The following MR1 variants were observed in gnomAD, a reference collection of about 807,000 sequenced individuals.
MR1 encodes the protein major histocompatibility complex class I-related protein 1.
A neutral mutation model predicts 37.8 loss-of-function variants in MR1; 44 were observed. The observed-to-expected ratio is 1.16, with a 90% CI of 0.91 to 1.50. The LOEUF (loss-of-function observed/expected upper bound fraction) is 1.50. Ranked by LOEUF, MR1 falls within the 40% of genes most tolerant of loss-of-function variation. The probability of loss-of-function intolerance (pLI) is 0.00; values close to 1 mark genes in which losing one functional copy is unlikely to be tolerated. For synonymous variants in MR1, 153 were observed against 155.8 expected (o/e 0.98, Z 0.13); for missense variants, 386 against 419.1 (o/e 0.92, Z 0.69).
intron 4 of MR1, among the ~76,000 whole-genome samples, chr1:181,052,922 C>A (rs1024630823): frequency 1.1e-4 from 17 of 151,672 alleles, no homozygotes; most frequent in Non-Finnish European, 2.2e-4. Context: ...CAAAAATTAG[C>A]CAGGCATGGT....
At chr1:181,039,878 A>G (rs976078305) in intron 1 of MR1, among the ~76,000 whole-genome samples, 3 of 151,678 alleles carry the variant, frequency 2.0e-5, no homozygotes, top group Admixed American at 6.6e-5. Context: ...AAAAAAAAAA[A>G]AAAGAAAAAA....
At chr1:181,048,237 A>G (rs1354402155) in intron 1 of MR1, among the ~76,000 whole-genome samples, 2 of 140,416 alleles carry the variant, frequency 1.4e-5, no homozygotes, top group East Asian at 2.2e-4. Flanking sequence ...ATAAAATAAA[A>G]TAAATAAATA....
At chr1:181,041,640 A>AG (rs1657560518) in intron 1 of MR1, among the ~76,000 whole-genome samples, 1 of 152,056 alleles carries the variant, frequency 6.6e-6, no homozygotes, top group African/African-American at 2.4e-5. Context: ...TGTTCTTTCC[A>AG]GGGGCCTTTG....
rs1239021316 is a variant in MR1 at position 181,034,040 on chromosome 1, C to T, written c.33C>T (p.Leu11=). Residue 11 remains leucine, a synonymous_variant, in exon 1 of 6, where the codon CTC becomes CTT. Transcript: ENST00000367580. MGELMAFLLP[L]IIVLMVKHSD... Reference sequence around the variant, plus strand: ...AACTGATGGCGTTCCTGTTACCTCTCATCATTGTGTTAATGGTGAAGCACA... The same window carrying T: ...AACTGATGGCGTTCCTGTTACCTCTTATCATTGTGTTAATGGTGAAGCACA... The T allele has an allele frequency of 3.1e-6, 5 of 1,613,302 alleles. No homozygotes were observed. Among genetic ancestry groups the T allele is most frequent in the Non-Finnish European group, 4.2e-6 (5 of 1,179,754 alleles).
rs540775339 is a variant in MR1 at position 181,060,879 on chromosome 1, T to C, written c.*5614T>C. 6.6e-6 allele frequency: 1 copy of C among 152,326 alleles called. No homozygotes were observed. The highest frequency in any genetic ancestry group is 1.9e-4 in the East Asian group (1 of 5,176). The allele number at this position is 152,326 out of a possible 1,614,324, so 9.4% of individuals were successfully genotyped here. A position where few individuals can be genotyped will look rare whatever the true frequency, so the allele number is the denominator to read the frequency against. ...GCTGATGCCTTTCAGTACTTAAATATGAGTTCAGACCCTGGGGCCTGGACA... is the reference window on the plus strand; with the variant it reads ...GCTGATGCCTTTCAGTACTTAAATACGAGTTCAGACCCTGGGGCCTGGACA... On this transcript the variant is annotated 3_prime_UTR_variant, in exon 6 of 6. Coordinates refer to ENST00000367580, the MANE Select transcript of MR1 (RefSeq NM_001385161.1).
intron 5 of MR1, among the ~76,000 whole-genome samples, chr1:181,054,809 A>C (rs748180914): frequency 6.6e-6 from 1 of 152,122 alleles, no homozygotes; most frequent in Non-Finnish European, 1.5e-5. Flanking sequence ...TGCCGTGAGC[A>C]AAGATCGCTC....
Position 181,049,075 on chromosome 1 carries a change from C to A in MR1, c.91C>A (p.Arg31Ser). The stretch of plus-strand genomic sequence containing the variant: ...AGGGACGCACTCTCTGAGATATTTT[C>A]GCCTGGGCGTTTCGGATCCCATCCA... The part of the protein sequence containing the change: ...DSRTHSLRYF[R>S]LGVSDPIHGV... The change falls in exon 2 of 6, where the codon CGC (arginine) becomes AGC (serine). Residue 31 changes from arginine to serine, a missense_variant. By Grantham distance (110) the Arg-to-Ser change is moderately radical. Coordinates refer to ENST00000367580, the MANE Select transcript of MR1 (RefSeq NM_001385161.1). 1 of 1,613,998 alleles carries A rather than the reference C, an allele frequency of 6.2e-7. No individual in the cohort carries two copies. Among genetic ancestry groups the A allele is most frequent in the Non-Finnish European group, 8.5e-7 (1 of 1,179,870 alleles).
chr1:181,034,235 T>C (rs1377776459), intron 1 of MR1, among the ~76,000 whole-genome samples, 161 bp downstream of exon 1: 3 of 152,180 alleles, frequency 2.0e-5, no homozygotes, highest in African/African-American at 7.2e-5. Context: ...GCCTGAACAG[T>C]TTCCCAGTTC....
At chr1:181,055,198 T>A in intron 5 of MR1, 27 bp from the exon 6 acceptor site, 1 of 1,610,992 alleles carries the variant, frequency 6.2e-7, no homozygotes, top group Non-Finnish European at 8.5e-7. Flanking sequence ...ATTCTTGTAA[T>A]CTGACTAAAA....
chr1:181,049,790 T>C (rs1658193259), intron 2 of MR1: 3 of 579,976 alleles, frequency 5.2e-6, no homozygotes, highest in Non-Finnish European at 9.2e-6. Context: ...AAGGCGGGAA[T>C]TAGCACACTC....
chr1:181,034,360 A>G (rs112329322), intron 1 of MR1, among the ~76,000 whole-genome samples: 1,808 of 151,974 alleles, frequency 0.012, 34 homozygotes, highest in African/African-American at 0.042. Context: ...TTCTGCTCAT[A>G]TTTTTTCTTT....
intron 3 of MR1, among the ~76,000 whole-genome samples, chr1:181,052,004 C>T (rs149812338): frequency 2.0e-5 from 3 of 152,204 alleles, no homozygotes; most frequent in Admixed American, 1.3e-4. Flanking sequence ...GACTTTCCCC[C>T]CTTAGAGGAT....
chr1:181,034,019 G>A lies in MR1; in HGVS notation c.12G>A (p.Leu4=). ...GAAAGAGAAGGACTATGGGGGAACTGATGGCGTTCCTGTTACCTCTCATCA... is the reference window on the plus strand; with the variant it reads ...GAAAGAGAAGGACTATGGGGGAACTAATGGCGTTCCTGTTACCTCTCATCA... MGE[L]MAFLLPLIIV... The change falls in exon 1 of 6, where the codon CTG becomes CTA. Residue 4 remains leucine (L), a synonymous_variant. Coordinates refer to ENST00000367580, the MANE Select transcript of MR1 (RefSeq NM_001385161.1). 1 of 1,612,872 alleles carries A rather than the reference G, an allele frequency of 6.2e-7. No homozygotes were observed. The highest frequency in any genetic ancestry group is 8.5e-7 in the Non-Finnish European group (1 of 1,179,594).
At chr1:181,045,855 C>G (rs1657825698) in intron 1 of MR1, among the ~76,000 whole-genome samples, 1 of 152,232 alleles carries the variant, frequency 6.6e-6, no homozygotes, top group Non-Finnish European at 1.5e-5. Flanking sequence ...AGCGGGAACC[C>G]GGGCTGCGGG....
chr1:181,049,323 G>A lies in MR1; in HGVS notation c.328+11G>A, dbSNP rs190989943. 1,075 of 1,608,772 alleles carry A rather than the reference G, an allele frequency of 6.7e-4. 13 individuals carry two copies. In the Admixed American group the frequency reaches 0.01, roughly 16 times the overall value. On this transcript the variant is annotated intron_variant, in intron 2 of 5. Transcript: ENST00000367580. ...ACTACAATCACTCAGGTGTGCATGC[G>A]GCAGAGACAGACGCTTCCCCCATCC... is the stretch of plus-strand genomic sequence containing the variant.
Position 181,050,536 on chromosome 1 carries a change from C to T in MR1, c.604+250C>T, listed in dbSNP as rs527655295. 3 of 489,476 alleles carry T rather than the reference C, an allele frequency of 6.1e-6. No individual in the cohort carries two copies. In the South Asian group the frequency reaches 7.0e-5, roughly 11 times the overall value. The allele number at this position is 489,476 out of a possible 1,614,324, so 30.3% of individuals were successfully genotyped here. ...CCAAGGGCACCTTGTTTTTAGGGAT[C>T]TATTGAGGCAAATTCTTCCATTCCG... is the stretch of plus-strand genomic sequence containing the variant. On this transcript the variant is annotated intron_variant, in intron 3 of 5. Coordinates refer to ENST00000367580, the MANE Select transcript of MR1 (RefSeq NM_001385161.1).
At position 181,055,456 on chromosome 1, in the gene MR1, G is replaced by A. The variant is rs1384112037; in HGVS notation, c.*191G>A. ...TTTGTTCTTTGGCTCCAAAAAGACT[G>A]TCAGCTTTCAGTCTCTTTTGATGGA... On this transcript the variant is annotated 3_prime_UTR_variant, in exon 6 of 6. Coordinates refer to ENST00000367580, the MANE Select transcript of MR1 (RefSeq NM_001385161.1). 1.0e-5 allele frequency: 6 copies of A among 576,630 alleles called. No individual in the cohort carries two copies. The highest frequency in any genetic ancestry group is 1.8e-5 in the Non-Finnish European group (6 of 325,870). The allele number at this position is 576,630 out of a possible 1,614,324, so 35.7% of individuals were successfully genotyped here. A position where few individuals can be genotyped will look rare whatever the true frequency, so the allele number is the denominator to read the frequency against.
chr1:181,053,828 A>G, intron 5 of MR1, 151 bp downstream of exon 5: 1 of 616,778 alleles, frequency 1.6e-6, no homozygotes, highest in Non-Finnish European at 2.9e-6. Context: ...CCCTCCCACC[A>G]TGTAGGGGAC....
At chr1:181,036,786 A>C (rs867267551) in intron 1 of MR1, among the ~76,000 whole-genome samples, 1 of 152,244 alleles carries the variant, frequency 6.6e-6, no homozygotes, top group African/African-American at 2.4e-5. Context: ...TGGTATACCT[A>C]GTGCCCAACA....
Sources: allele counts gnomAD v4.1 joint callset (sites outside exome capture counted in the v4.1 genomes callset), GRCh38; gene constraint gnomAD v4.1.1; transcripts MANE v1.5; gene names NCBI Gene and HGNC (gene_info 2026-07-23, HGNC 2026-07-21).